The following SNTG1 variants were observed in gnomAD, a reference collection of about 807,000 sequenced individuals.
SNTG1 encodes syntrophin gamma 1, also known as gamma-1-syntrophin.
In SNTG1, 39 loss-of-function variants were observed where a neutral mutation model predicts 74.7. The ratio of observed to expected loss-of-function variants is 0.52; its 90% confidence interval spans 0.40 to 0.68. The LOEUF (loss-of-function observed/expected upper bound fraction) is 0.68, where lower values mean the gene tolerates loss of function less well. Among genes scored for constraint, SNTG1 ranks in the 30% least tolerant of loss-of-function variants. The pLI is 0.00. For missense variants in SNTG1, 685 were observed against 609.5 expected (o/e 1.12, Z -1.30); for synonymous variants, 254 against 217.1 (o/e 1.17, Z -1.49).
At chr8:50,374,723 G>T (rs1198445496) in intron 2 of SNTG1, among the ~76,000 whole-genome samples, 2 of 152,128 alleles carry the variant, frequency 1.3e-5, no homozygotes, top group Non-Finnish European at 2.9e-5. Flanking sequence ...AATGTGAACT[G>T]CTCAGCATTT....
At chr8:50,666,026 A>G (rs1388731325) in intron 15 of SNTG1, among the ~76,000 whole-genome samples, 5 of 152,188 alleles carry the variant, frequency 3.3e-5, no homozygotes, top group Admixed American at 3.3e-4. Context: ...AGGGAGACAG[A>G]CTATAATAAT....
chr8:50,025,364 C>T (rs752241750), intron 1 of SNTG1, among the ~76,000 whole-genome samples: 2 of 152,104 alleles, frequency 1.3e-5, no homozygotes, highest in African/African-American at 2.4e-5. Flanking sequence ...TTTTAACATG[C>T]ATTCAATTGT....
chr8:50,680,403 A>G (rs1294620610), intron 15 of SNTG1, among the ~76,000 whole-genome samples: 5 of 152,182 alleles, frequency 3.3e-5, no homozygotes, highest in Non-Finnish European at 7.3e-5. Context: ...TTAGGGGCAT[A>G]TAGCTGATGA....
chr8:50,677,401 A>G (rs2095313394), intron 15 of SNTG1, among the ~76,000 whole-genome samples: 1 of 152,000 alleles, frequency 6.6e-6, no homozygotes, highest in Non-Finnish European at 1.5e-5. Flanking sequence ...GACACCCATA[A>G]CATAACATAT....
intron 8 of SNTG1, among the ~76,000 whole-genome samples, chr8:50,454,486 G>T (rs2131641577): frequency 6.7e-6 from 1 of 150,010 alleles, no homozygotes; most frequent in East Asian, 2.0e-4. Flanking sequence ...GACAGAGCAA[G>T]ACTCAGTCTG....
intron 8 of SNTG1, among the ~76,000 whole-genome samples, chr8:50,490,405 A>G (rs2093840963): frequency 6.6e-6 from 1 of 152,172 alleles, no homozygotes. Flanking sequence ...ATCCATGTGC[A>G]TGGAATGTTT....
chr8:50,676,595 C>T (rs973501179), intron 15 of SNTG1, among the ~76,000 whole-genome samples: 6 of 151,712 alleles, frequency 4.0e-5, no homozygotes, highest in African/African-American at 1.2e-4. Flanking sequence ...GCTCAACATA[C>T]CGTTTCTGAT....
At chr8:49,987,254 T>C (rs937186736) in intron 1 of SNTG1, among the ~76,000 whole-genome samples, 2 of 152,026 alleles carry the variant, frequency 1.3e-5, no homozygotes, top group Non-Finnish European at 2.9e-5. Context: ...CCTGAAAAAT[T>C]AAGAGTATAA....
intron 2 of SNTG1, among the ~76,000 whole-genome samples, chr8:50,224,223 A>C (rs540654633): frequency 1.3e-5 from 2 of 152,236 alleles, no homozygotes; most frequent in Admixed American, 1.3e-4. Flanking sequence ...TACTATGCTA[A>C]AGATATAAAT....
At chr8:50,220,842 T>A (rs2085029246) in intron 2 of SNTG1, among the ~76,000 whole-genome samples, 1 of 152,194 alleles carries the variant, frequency 6.6e-6, no homozygotes, top group African/African-American at 2.4e-5. Context: ...CATCATTCTC[T>A]CCCCTCTTGT....
chr8:50,672,637 GC>G (rs1440531933), intron 15 of SNTG1, among the ~76,000 whole-genome samples: 1 of 152,080 alleles, frequency 6.6e-6, no homozygotes, highest in Non-Finnish European at 1.5e-5. Context: ...TCTGTAGGTG[GC>G]CTGTTCACTC....
chr8:50,376,698 T>C (rs901997742), intron 2 of SNTG1, among the ~76,000 whole-genome samples: 4 of 143,942 alleles, frequency 2.8e-5, no homozygotes, highest in African/African-American at 7.6e-5. Flanking sequence ...GTAGATTAAA[T>C]ATATAATATT....
chr8:50,156,535 G>A (rs1296849517), intron 1 of SNTG1, among the ~76,000 whole-genome samples: 1 of 151,836 alleles, frequency 6.6e-6, no homozygotes, highest in East Asian at 1.9e-4. Context: ...ATGTGAATCT[G>A]TATGTATATA....
intron 15 of SNTG1, among the ~76,000 whole-genome samples, chr8:50,676,498 C>T (rs1168848849): frequency 1.3e-5 from 2 of 151,938 alleles, no homozygotes; most frequent in East Asian, 1.9e-4. Context: ...ATGTTCTTCT[C>T]TAAACTGGTT....
intron 1 of SNTG1, among the ~76,000 whole-genome samples, chr8:50,147,002 A>G (rs1352892084): frequency 6.6e-6 from 1 of 152,110 alleles, no homozygotes; most frequent in Non-Finnish European, 1.5e-5. Context: ...TCACAGAGCA[A>G]AAGTTTACAT....
chr8:49,939,192 G>A (rs1466451300), intron 1 of SNTG1, among the ~76,000 whole-genome samples: 26 of 152,010 alleles, frequency 1.7e-4, no homozygotes, highest in Non-Finnish European at 8.8e-5. Context: ...CTAACATTCT[G>A]TATAAACTTT....
Position 50,607,693 on chromosome 8 carries a change from T to C in SNTG1, c.849+16776T>C, listed in dbSNP as rs117059596. 1.9e-4 allele frequency among the ~76,000 whole-genome samples: 29 copies of C among 151,784 alleles called. 1 individual carries two copies. The East Asian group carries it at 5.6e-3, about 29-fold the overall frequency. ...GACTTCTTCGTTGTCTTTCTTTCTT[T>C]ATTTTTTACTGTTTTTCATTCCAAT... On this transcript the variant is annotated intron_variant, in intron 13 of 18. Transcript: ENST00000642720.
chr8:50,764,464 T>C (rs1271807798), intron 18 of SNTG1, among the ~76,000 whole-genome samples: 1 of 151,942 alleles, frequency 6.6e-6, no homozygotes, highest in Non-Finnish European at 1.5e-5. Context: ...AGGACTCATT[T>C]TGAGACATTT....
intron 11 of SNTG1, among the ~76,000 whole-genome samples, chr8:50,541,989 T>C (rs938664275): frequency 2.6e-5 from 4 of 151,234 alleles, no homozygotes; most frequent in Non-Finnish European, 4.4e-5. Flanking sequence ...TTGCTGCAAA[T>C]GACAGAATTT....
Sources: allele counts gnomAD v4.1 joint callset (sites outside exome capture counted in the v4.1 genomes callset), GRCh38; gene constraint gnomAD v4.1.1; transcripts MANE v1.5; gene names NCBI Gene and HGNC (gene_info 2026-07-23, HGNC 2026-07-21).